Variants in NAA50 observed in about 807,000 individuals in gnomAD.
The protein encoded by NAA50 is N-alpha-acetyltransferase 50.
A neutral mutation model predicts 20.7 loss-of-function variants in NAA50; 7 were observed. The observed-to-expected ratio is 0.34, with a 90% CI of 0.19 to 0.63. The LOEUF (loss-of-function observed/expected upper bound fraction) is 0.63, where lower values mean the gene tolerates loss of function less well. Ranked by LOEUF, NAA50 falls within the 30% of genes least tolerant of loss-of-function variation. The pLI is 0.75. For synonymous variants in NAA50, 54 were observed against 70.6 expected (o/e 0.77, Z 1.18); for missense variants, 111 against 199.1 (o/e 0.56, Z 2.66).
At chr3:113,723,817 CT>C (rs1389320772) in intron 2 of NAA50, 141 bp downstream of exon 2, 1 of 976,988 alleles carries the variant, frequency 1.0e-6, no homozygotes, top group Middle Eastern at 3.4e-4. Context: ...TGAGATTTTT[CT>C]CACAACCTAG....
chr3:113,732,106 AAT>A (rs1429613905), intron 1 of NAA50, among the ~76,000 whole-genome samples: 1 of 152,216 alleles, frequency 6.6e-6, no homozygotes, highest in African/African-American at 2.4e-5. Flanking sequence ...AGGAATCTTG[AAT>A]ATCTTACTTT....
chr3:113,721,395 G>T lies in NAA50; in HGVS notation c.*365C>A. ...CAAGATACTGCTGCTGCTTCTTTTT[G>T]TCTTTTGAAATATACAATGTTTTGT... On this transcript the variant is annotated 3_prime_UTR_variant, in exon 5 of 5. Coordinates refer to ENST00000240922, the MANE Select transcript of NAA50 (RefSeq NM_025146.4). 4.4e-6 allele frequency: 1 copy of T among 227,682 alleles called. No individual in the cohort carries two copies. Among genetic ancestry groups the T allele is most frequent in the Admixed American group, 5.6e-5 (1 of 17,950 alleles). The allele number at this position is 227,682 out of a possible 1,614,324, so 14.1% of individuals were successfully genotyped here. A position where few individuals can be genotyped will look rare whatever the true frequency, so the allele number is the denominator to read the frequency against.
At position 113,731,911 on chromosome 3, in the gene NAA50, T is replaced by G. The variant is rs145529055; in HGVS notation, c.9-7816A>C. 2.4e-3 allele frequency among the ~76,000 whole-genome samples: 362 copies of G among 152,344 alleles called. 2 individuals carry two copies. Among genetic ancestry groups the G allele is most frequent in the African/African-American group, 8.5e-3 (352 of 41,570 alleles). On this transcript the variant is annotated intron_variant, in intron 1 of 4. Transcript: ENST00000240922. ...TGTATGTGCATCTTGACTATTATAA[T>G]GCTGCTATGAATATTGCATAAAAGT...
At chr3:113,733,853 C>CAAAAAAAAAAAAAAAAAA (rs58431115) in intron 1 of NAA50, among the ~76,000 whole-genome samples, 6 of 68,506 alleles carry the variant, frequency 8.8e-5, no homozygotes, top group African/African-American at 3.7e-4. Flanking sequence ...ACTCTGTCTC[C>CAAAAAAAAAAAAAAAAAA]AAAAAAAAAA....
At chr3:113,737,458 G>C (rs143663810) in intron 1 of NAA50, among the ~76,000 whole-genome samples, 1 of 152,272 alleles carries the variant, frequency 6.6e-6, no homozygotes, top group African/African-American at 2.4e-5. Flanking sequence ...AACTGCTCAT[G>C]AGGTCTTAAC....
rs955841756 is a variant in NAA50 at position 113,717,471 on chromosome 3, A to C, written c.*4289T>G. 6.6e-6 allele frequency: 1 copy of C among 152,256 alleles called. No individual in the cohort carries two copies. Among genetic ancestry groups the C allele is most frequent in the Non-Finnish European group, 1.5e-5 (1 of 68,052 alleles). 9.4% of individuals were successfully genotyped at this position (152,256 alleles called of 1,614,324 possible). On this transcript the variant is annotated 3_prime_UTR_variant, in exon 5 of 5. Transcript: ENST00000240922. ...TTCTCAATGTTCTACCAAGTTAACAACACACATTAAGAAATCTGACTCAAG... is the reference window on the plus strand; with the variant it reads ...TTCTCAATGTTCTACCAAGTTAACACCACACATTAAGAAATCTGACTCAAG...
intron 1 of NAA50, among the ~76,000 whole-genome samples, chr3:113,734,655 G>T (rs1429167152): frequency 6.6e-6 from 1 of 152,132 alleles, no homozygotes; most frequent in African/African-American, 2.4e-5. Context: ...TTTAAAACAC[G>T]ATTTCTCAAT....
intron 1 of NAA50, among the ~76,000 whole-genome samples, chr3:113,743,121 T>C (rs1708439800): frequency 6.6e-6 from 1 of 152,200 alleles, no homozygotes; most frequent in Non-Finnish European, 1.5e-5. Flanking sequence ...ATTTATCTTC[T>C]ATGGAGGAAA....
At chr3:113,723,335 GACCCAAAT>G (rs1708159356) in intron 3 of NAA50, 79 bp downstream of exon 3, 2 of 1,298,732 alleles carry the variant, frequency 1.5e-6, no homozygotes, top group East Asian at 4.8e-5. Context: ...TCCTTAAAAA[GACCCAAAT>G]TAACTTACTA....
At chr3:113,736,298 GGACA>G (rs1221197894) in intron 1 of NAA50, among the ~76,000 whole-genome samples, 1 of 152,126 alleles carries the variant, frequency 6.6e-6, no homozygotes, top group Non-Finnish European at 1.5e-5. Flanking sequence ...AGGAAAAGTG[GGACA>G]GACTGTGATG....
Position 113,726,764 on chromosome 3 carries a change from AAG to A in NAA50, c.9-2671_9-2670del, listed in dbSNP as rs1241386469. Among the ~76,000 whole-genome samples, 9 of 152,176 alleles carry A rather than the reference AAG, an allele frequency of 5.9e-5. No individual in the cohort carries two copies. The East Asian group carries it at 1.3e-3, about 23-fold the overall frequency. ...GCCTCAAAAAAAAAAAAAAGAAAGA[AAG>A]AAAGAAAAATCTGTGGATACTGTTA... On this transcript the variant is annotated intron_variant, in intron 1 of 4. Transcript: ENST00000240922.
Position 113,723,531 on chromosome 3 carries a change from A to G in NAA50, c.156T>C (p.Asn52=), listed in dbSNP as rs1464486894. ...AGCATACTGCACCTACAGCAATATC[A>G]TTGAAATAGGCTGCCAAGGAAAACA... The part of the protein sequence containing the change: ...VGELAKLAYF[N]DIAVGAVCCR... Residue 52 remains asparagine, a synonymous_variant, in exon 3 of 5, where the codon AAT becomes AAC. Transcript: ENST00000240922. 1 of 1,603,238 alleles carries G rather than the reference A, an allele frequency of 6.2e-7. No individual in the cohort carries two copies. Among genetic ancestry groups the G allele is most frequent in the African/African-American group, 1.3e-5 (1 of 74,564 alleles).
At position 113,746,026 on chromosome 3, in the gene NAA50, T is replaced by TCAACCCCGC; in HGVS notation, c.-78_-77insGCGGGGTTG. Reference sequence around the variant, plus strand: ...TCGCCGCCCTTAGGTCTCCGCACCCTTAGCTCGGGCCACTCAACCCCGCAA... The same window carrying TCAACCCCGC: ...TCGCCGCCCTTAGGTCTCCGCACCCTCAACCCCGCTAGCTCGGGCCACTCAACCCCGCAA... On this transcript the variant is annotated 5_prime_UTR_variant, in exon 1 of 5. Coordinates refer to ENST00000240922, the MANE Select transcript of NAA50 (RefSeq NM_025146.4). 6.3e-7 allele frequency: 1 copy of TCAACCCCGC among 1,580,236 alleles called. No homozygotes were observed. The highest frequency in any genetic ancestry group is 8.6e-7 in the Non-Finnish European group (1 of 1,166,906).
intron 1 of NAA50, among the ~76,000 whole-genome samples, chr3:113,733,916 A>AGATTTG (rs1278059000): frequency 1.3e-5 from 2 of 151,014 alleles, no homozygotes; most frequent in Non-Finnish European, 3.0e-5. Context: ...AAGTATTTAG[A>AGATTTG]GATTTGGAAA....
chr3:113,723,685 T>C (rs913959586), intron 2 of NAA50, 144 bp from the exon 3 acceptor site: 5 of 1,073,248 alleles, frequency 4.7e-6, no homozygotes, highest in African/African-American at 3.2e-5. Flanking sequence ...AAAGCTCTTA[T>C]GCCATCTTAG....
At chr3:113,738,354 T>C (rs558363407) in intron 1 of NAA50, among the ~76,000 whole-genome samples, 1 of 152,368 alleles carries the variant, frequency 6.6e-6, no homozygotes, top group Non-Finnish European at 1.5e-5. Flanking sequence ...TGGTTACTGG[T>C]GATCTCTACA....
intron 1 of NAA50, among the ~76,000 whole-genome samples, chr3:113,724,750 A>G (rs372671644): frequency 5.9e-5 from 9 of 152,064 alleles, no homozygotes; most frequent in African/African-American, 2.2e-4. Flanking sequence ...CATAATTCCC[A>G]TGTTGTGAGA....
In NAA50 at chr3:113,746,082, G is replaced by C; in HGVS notation, c.-133C>G. 8.0e-7 allele frequency: 1 copy of C among 1,256,422 alleles called. No homozygotes were observed. The highest frequency in any genetic ancestry group is 1.5e-5 in the African/African-American group (1 of 65,972). The allele number at this position is 1,256,422 out of a possible 1,614,324, so 77.8% of individuals were successfully genotyped here. ...CCTCCTAGCCTGGGCAGGGAGCTGT[G>C]CGAGCAACGAAGGCCGCGAGAGTCG... On this transcript the variant is annotated 5_prime_UTR_variant, in exon 1 of 5. Coordinates refer to ENST00000240922, the MANE Select transcript of NAA50 (RefSeq NM_025146.4).
intron 1 of NAA50, among the ~76,000 whole-genome samples, chr3:113,727,754 T>C (rs1166946499): frequency 6.6e-6 from 1 of 152,148 alleles, no homozygotes; most frequent in Non-Finnish European, 1.5e-5. Flanking sequence ...TATATATATG[T>C]ATATACACGC....
Sources: gnomAD v4.1 joint callset for allele counts (sites outside exome capture counted in the v4.1 genomes callset) on GRCh38, gnomAD v4.1.1 for gene constraint, MANE v1.5 for transcripts, NCBI Gene and HGNC (gene_info 2026-07-23, HGNC 2026-07-21) for gene names.